HDX: variants seen among roughly 807,000 people sequenced by gnomAD.
HDX encodes highly divergent homeobox, also known as chromosome X open reading frame 43.
A neutral mutation model predicts 45.2 loss-of-function variants in HDX; 19 were observed. That is an observed-to-expected ratio of 0.42 (90% CI 0.29 to 0.62). The LOEUF is 0.62. HDX is among the 20% of genes least tolerant of loss of function. The pLI is 0.20. For missense variants in HDX, 532 were observed against 493.9 expected (o/e 1.08, Z -0.73); for synonymous variants, 188 against 172.8 (o/e 1.09, Z -0.69).
chrX:84,442,743 T>C (rs1194204169), intron 4 of HDX, among the ~76,000 whole-genome samples: 3 of 111,429 alleles, frequency 2.7e-5, no homozygotes, highest in African/African-American at 9.7e-5. Flanking sequence ...ACCAAGTGTT[T>C]TGGATTATCT....
intron 2 of HDX, among the ~76,000 whole-genome samples, chrX:84,477,692 G>C (rs1047495694): frequency 8.9e-6 from 1 of 111,783 alleles, no homozygotes; most frequent in Non-Finnish European, 1.9e-5. Flanking sequence ...GCAAGATATT[G>C]AATGACTGCA....
Position 84,469,544 on chromosome X carries a change from C to T in HDX, c.179G>A (p.Ser60Asn). 3 of 1,193,935 alleles carry T rather than the reference C, an allele frequency of 2.5e-6. No homozygotes were observed. Among genetic ancestry groups the T allele is most frequent in the Non-Finnish European group, 3.4e-6 (3 of 885,691 alleles). ...TGTTCCAGATTCAGAGTTCTTACTACTCATCTTTCTTCTCTTATTGCCAAC... is the reference window on the plus strand; with the variant it reads ...TGTTCCAGATTCAGAGTTCTTACTATTCATCTTTCTTCTCTTATTGCCAAC... ...TWVGNKRRKM[S>N]SKNSESGTAT... Residue 60 changes from serine (S) to asparagine (N), a missense_variant, in exon 4 of 11, where the codon AGT (serine) becomes AAT (asparagine). By Grantham distance (46) the Ser-to-Asn change is conservative. Transcript: ENST00000373177.
chrX:84,393,229 G>A (rs1273677937), intron 5 of HDX, among the ~76,000 whole-genome samples: 1 of 110,940 alleles, frequency 9.0e-6, no homozygotes, highest in South Asian at 3.8e-4. Flanking sequence ...TGGCATAAAG[G>A]GATGTTGAAG....
chrX:84,392,870 T>C (rs908932160), intron 5 of HDX, among the ~76,000 whole-genome samples: 3 of 110,054 alleles, frequency 2.7e-5, no homozygotes, highest in Non-Finnish European at 5.7e-5. Context: ...TGAATTTATT[T>C]TTCAGATCAA....
chrX:84,433,576 G>T (rs1374851287), intron 5 of HDX, among the ~76,000 whole-genome samples: 1 of 111,474 alleles, frequency 9.0e-6, no homozygotes, highest in Non-Finnish European at 1.9e-5. Flanking sequence ...CCATACTTTT[G>T]TGGTGACTAC....
chrX:84,361,010 A>G (rs1436542931), intron 6 of HDX, among the ~76,000 whole-genome samples: 1 of 111,620 alleles, frequency 9.0e-6, no homozygotes, highest in African/African-American at 3.3e-5. Context: ...AAGTTGCTAA[A>G]ATATTTTACA....
intron 5 of HDX, among the ~76,000 whole-genome samples, chrX:84,429,648 G>C (rs1372731208): frequency 9.1e-6 from 1 of 109,697 alleles, no homozygotes; most frequent in Non-Finnish European, 1.9e-5. Context: ...TTCTCTTCTA[G>C]ATTGGATACC....
At chrX:84,453,479 G>C (rs966771279) in intron 4 of HDX, among the ~76,000 whole-genome samples, 6 of 111,958 alleles carry the variant, frequency 5.4e-5, no homozygotes, top group Non-Finnish European at 9.4e-5. Flanking sequence ...CAGCAGAAGA[G>C]AACAATGGGC....
At chrX:84,453,914 G>A (rs1452446574) in intron 4 of HDX, among the ~76,000 whole-genome samples, 4 of 111,933 alleles carry the variant, frequency 3.6e-5, no homozygotes, top group Non-Finnish European at 7.5e-5. Context: ...CCAAGGAAGA[G>A]TCTTGAGGCT....
At chrX:84,411,704 G>T (rs1412533079) in intron 5 of HDX, among the ~76,000 whole-genome samples, 2 of 111,008 alleles carry the variant, frequency 1.8e-5, no homozygotes, top group African/African-American at 6.6e-5. Flanking sequence ...TTGAGTTCAG[G>T]TCCCAAATAT....
At chrX:84,413,288 G>A in intron 5 of HDX, among the ~76,000 whole-genome samples, 1 of 111,998 alleles carries the variant, frequency 8.9e-6, no homozygotes, top group Non-Finnish European at 1.9e-5. Context: ...TGTTTTTTGA[G>A]TCTTTGACGT....
At chrX:84,475,165 C>T in intron 3 of HDX, 86 bp downstream of exon 3, 1 of 800,523 alleles carries the variant, frequency 1.2e-6, no homozygotes, top group Non-Finnish European at 1.8e-6. Flanking sequence ...TTAGTGACTT[C>T]ATACCCTGAA....
chrX:84,405,414 C>G (rs1212271067), intron 5 of HDX, among the ~76,000 whole-genome samples: 1 of 109,669 alleles, frequency 9.1e-6, no homozygotes, highest in Non-Finnish European at 1.9e-5. Flanking sequence ...AGGGAGCAGA[C>G]AAGAAGAAAT....
intron 5 of HDX, among the ~76,000 whole-genome samples, chrX:84,416,488 A>G (rs2039105304): frequency 9.0e-6 from 1 of 111,469 alleles, no homozygotes; most frequent in Admixed American, 9.6e-5. Flanking sequence ...ATTTGTCACA[A>G]TTGCCATTTT....
At chrX:84,454,509 A>T (rs147576742) in intron 4 of HDX, among the ~76,000 whole-genome samples, 1 of 111,233 alleles carries the variant, frequency 9.0e-6, no homozygotes, top group African/African-American at 3.3e-5. Context: ...AAAGTAGGGA[A>T]GAGTTGACAG....
At chrX:84,474,763 G>A (rs1373506631) in intron 3 of HDX, among the ~76,000 whole-genome samples, 1 of 112,020 alleles carries the variant, frequency 8.9e-6, no homozygotes, top group Non-Finnish European at 1.9e-5. Flanking sequence ...ATTCTCTTAA[G>A]AGTCCTTGTC....
chrX:84,391,598 CCTCA>C (rs1988497464), intron 5 of HDX, among the ~76,000 whole-genome samples: 2 of 111,282 alleles, frequency 1.8e-5, no homozygotes, highest in Admixed American at 9.6e-5. Context: ...TTCTCTGCAT[CCTCA>C]CTAACATTTG....
chrX:84,411,371 A>C (rs1469118236), intron 5 of HDX, among the ~76,000 whole-genome samples: 1 of 111,674 alleles, frequency 9.0e-6, no homozygotes, highest in East Asian at 2.8e-4. Context: ...CTTTGTTCTC[A>C]TTAGTTTCAA....
chrX:84,480,539 G>GTTC (rs1190086538), intron 2 of HDX, among the ~76,000 whole-genome samples: 3 of 111,024 alleles, frequency 2.7e-5, no homozygotes, highest in East Asian at 2.8e-4. Flanking sequence ...ATTAAACTGA[G>GTTC]TTCTTCTTCT....
Sources: allele counts gnomAD v4.1 joint callset (sites outside exome capture counted in the v4.1 genomes callset), GRCh38; gene constraint gnomAD v4.1.1; transcripts MANE v1.5; gene names NCBI Gene and HGNC (gene_info 2026-07-23, HGNC 2026-07-21).